The following EDARADD variants were observed in gnomAD, a reference collection of about 807,000 sequenced individuals.
The protein encoded by EDARADD is EDAR associated via death domain.
Under a neutral mutation model 25.6 loss-of-function variants are expected in EDARADD, and 20 were observed. The ratio of observed to expected loss-of-function variants is 0.78; its 90% confidence interval spans 0.55 to 1.14. The LOEUF is 1.14. Among genes scored for constraint, EDARADD ranks in the 50% most tolerant of loss-of-function variants. The pLI is 0.00. For synonymous variants in EDARADD, 86 were observed against 94.4 expected (o/e 0.91, Z 0.52); for missense variants, 225 against 270.1 (o/e 0.83, Z 1.17).
At chr1:236,460,821 T>C (rs1175101557) in intron 4 of EDARADD, among the ~76,000 whole-genome samples, 1 of 108,888 alleles carries the variant, frequency 9.2e-6, no homozygotes, top group Non-Finnish European at 2.1e-5. Flanking sequence ...TTTTGTGGGG[T>C]TTTTTTTTTG....
chr1:236,445,185 G>A (rs111635219), intron 4 of EDARADD, among the ~76,000 whole-genome samples: 1 of 145,174 alleles, frequency 6.9e-6, no homozygotes, highest in South Asian at 2.2e-4. Context: ...CCACTGTAAC[G>A]TTTATTTACT....
chr1:236,424,154 CTTTTTTTTT>C lies in EDARADD; in HGVS notation c.161-3222_161-3214del, dbSNP rs34454343. 1.9e-4 allele frequency among the ~76,000 whole-genome samples: 14 copies of C among 74,400 alleles called. 1 individual carries two copies. The highest frequency in any genetic ancestry group is 2.4e-4 in the Non-Finnish European group (10 of 40,936). The allele number at this position is 74,400 out of a possible 152,430, so 48.8% of individuals were successfully genotyped here. ...ATTGTAGTAATCCACTGTGAAGCATCTTTTTTTTTTTTTTTTTTTTTTTTGGAACAGGAC... is the reference window on the plus strand; with the variant it reads ...ATTGTAGTAATCCACTGTGAAGCATCTTTTTTTTTTTTTTTGGAACAGGAC... On this transcript the variant is annotated intron_variant, in intron 3 of 5. Coordinates refer to ENST00000334232, the MANE Select transcript of EDARADD (RefSeq NM_145861.4).
At chr1:236,469,113 A>G (rs1159200804) in intron 5 of EDARADD, among the ~76,000 whole-genome samples, 1 of 152,136 alleles carries the variant, frequency 6.6e-6, no homozygotes, top group African/African-American at 2.4e-5. Flanking sequence ...TAAGACAGAC[A>G]TGTTTGCAAT....
chr1:236,348,326 T>C (rs1164226466), intron 1 of EDARADD: 1 of 152,264 alleles, frequency 6.6e-6, no homozygotes, highest in Non-Finnish European at 1.5e-5. Flanking sequence ...TTGGGGAAAC[T>C]CGTGAACAGC....
chr1:236,482,307 T>C lies in EDARADD; in HGVS notation c.306T>C (p.Cys102=), dbSNP rs1486687983. The change falls in exon 6 of 6, where the codon TGT becomes TGC. Residue 102 remains cysteine, a synonymous_variant. Coordinates refer to ENST00000334232, the MANE Select transcript of EDARADD (RefSeq NM_145861.4). The part of the protein sequence containing the change: ...KDNSCKENCT[C]SSCLLRAPTI... ...ACTCCTGCAAAGAAAACTGTACTTGTTCCTCCTGCTTGCTCCGGGCCCCCA... is the reference window on the plus strand; with the variant it reads ...ACTCCTGCAAAGAAAACTGTACTTGCTCCTCCTGCTTGCTCCGGGCCCCCA... The C allele has an allele frequency of 6.2e-7, 1 of 1,614,008 alleles. No individual in the cohort carries two copies. The highest frequency in any genetic ancestry group is 1.3e-5 in the African/African-American group (1 of 74,912).
intron 5 of EDARADD, among the ~76,000 whole-genome samples, chr1:236,476,612 G>A (rs558062614): frequency 6.6e-6 from 1 of 151,664 alleles, no homozygotes; most frequent in Non-Finnish European, 1.5e-5. Context: ...TGCAACCTCT[G>A]CCTCCTGGGT....
chr1:236,348,830 TCTCA>T, exon 2 of EDARADD: 1 of 152,304 alleles, frequency 6.6e-6, no homozygotes, highest in Admixed American at 6.5e-5. Context: ...CCAGTCCTTC[TCTCA>T]CTGAGTGCCC....
At chr1:236,355,051 C>T (rs971587374) in intron 3 of EDARADD, among the ~76,000 whole-genome samples, 1 of 152,220 alleles carries the variant, frequency 6.6e-6, no homozygotes, top group Admixed American at 6.5e-5. Flanking sequence ...AAAACTGTCT[C>T]TTCCTGGTTT....
rs1412916443 is a variant in EDARADD at position 236,395,311 on chromosome 1, C to T, written c.61+806C>T. 8.0e-6 allele frequency: 10 copies of T among 1,253,294 alleles called. No individual in the cohort carries two copies. The highest frequency in any genetic ancestry group is 1.0e-5 in the Non-Finnish European group (10 of 988,754). The allele number at this position is 1,253,294 out of a possible 1,614,324, so 77.6% of individuals were successfully genotyped here. On this transcript the variant is annotated intron_variant, in intron 1 of 5. Transcript: ENST00000334232. The surrounding 1 kb of genome is among the most constrained non-coding windows in gnomAD (Gnocchi z 6.9). ...CTGGGCGCTGGGGACGCCCGGGACA[C>T]TCGGGGCCCCGCCTTGCGTCCCAGC... is the stretch of plus-strand genomic sequence containing the variant.
intron 4 of EDARADD, among the ~76,000 whole-genome samples, chr1:236,467,455 C>CACAT (rs1659236448): frequency 1.4e-5 from 2 of 142,508 alleles, no homozygotes; most frequent in Non-Finnish European, 3.0e-5. Context: ...CACACACACA[C>CACAT]ATACACACAC....
chr1:236,376,064 G>A (rs1667220703), intron 3 of EDARADD, among the ~76,000 whole-genome samples: 2 of 150,610 alleles, frequency 1.3e-5, no homozygotes, highest in Middle Eastern at 3.4e-3. Flanking sequence ...CCTCCCAAGT[G>A]ACTGGGATTA....
chr1:236,396,129 A>G (rs779629365), intron 1 of EDARADD, among the ~76,000 whole-genome samples: 1 of 152,164 alleles, frequency 6.6e-6, no homozygotes, highest in Admixed American at 6.5e-5. Context: ...CTGTCTAAAC[A>G]TTGGCCCTCG....
chr1:236,431,488 A>G (rs1406135091), intron 4 of EDARADD, among the ~76,000 whole-genome samples: 1 of 152,248 alleles, frequency 6.6e-6, no homozygotes, highest in African/African-American at 2.4e-5. Flanking sequence ...TTAGTTATTT[A>G]AAATCAATAC....
chr1:236,428,118 C>T (rs1427013338), intron 4 of EDARADD, among the ~76,000 whole-genome samples: 2 of 151,762 alleles, frequency 1.3e-5, no homozygotes, highest in East Asian at 1.9e-4. Flanking sequence ...AGGGCCCTGC[C>T]GCCTTCTGCA....
At chr1:236,348,471 C>G (rs1666877588) in intron 1 of EDARADD, among the ~76,000 whole-genome samples, 1 of 152,234 alleles carries the variant, frequency 6.6e-6, no homozygotes, top group African/African-American at 2.4e-5. Context: ...AGCCAGCCGT[C>G]GCCGCGCCCC....
At chr1:236,424,223 G>A (rs1205307636) in intron 3 of EDARADD, among the ~76,000 whole-genome samples, 1 of 140,088 alleles carries the variant, frequency 7.1e-6, no homozygotes, top group Non-Finnish European at 1.5e-5. Flanking sequence ...GTGCGGTGGT[G>A]TGATCATGGG....
intron 3 of EDARADD, among the ~76,000 whole-genome samples, chr1:236,384,140 T>C (rs1237983022): frequency 6.6e-6 from 1 of 152,248 alleles, no homozygotes; most frequent in Non-Finnish European, 1.5e-5. Context: ...CCAATCTTTG[T>C]TATTACAAAC....
intron 3 of EDARADD, among the ~76,000 whole-genome samples, chr1:236,363,128 A>G (rs1256281960): frequency 6.8e-6 from 1 of 146,590 alleles, no homozygotes; most frequent in Non-Finnish European, 1.5e-5. Flanking sequence ...TTGGCCTCCC[A>G]AAGTGCTGGG....
At chr1:236,479,823 AT>A (rs1378445706) in intron 5 of EDARADD, among the ~76,000 whole-genome samples, 2 of 151,698 alleles carry the variant, frequency 1.3e-5, no homozygotes, top group Admixed American at 1.3e-4. Flanking sequence ...AGGCAGGAGG[AT>A]TGCTTAAGGC....
Sources: allele counts gnomAD v4.1 joint callset (sites outside exome capture counted in the v4.1 genomes callset), GRCh38; gene constraint gnomAD v4.1.1; non-coding constraint Gnocchi (gnomAD v3.1); transcripts MANE v1.5; gene names NCBI Gene and HGNC (gene_info 2026-07-23, HGNC 2026-07-21).